The following MAP2K6 variants were observed in gnomAD, a reference collection of about 807,000 sequenced individuals.
MAP2K6 encodes mitogen-activated protein kinase kinase 6.
In MAP2K6, 16 loss-of-function variants were observed where a neutral mutation model predicts 53.7. The observed-to-expected ratio is 0.30, with a 90% CI of 0.20 to 0.45. The LOEUF (loss-of-function observed/expected upper bound fraction) is 0.45, where lower values mean the gene tolerates loss of function less well. MAP2K6 is among the 20% of genes least tolerant of loss of function. MAP2K6 has a pLI of 1.00. For synonymous variants in MAP2K6, 132 were observed against 143.1 expected, an observed-to-expected ratio of 0.92 and a Z score of 0.55; for missense variants, 204 against 411.9, an observed-to-expected ratio of 0.50 and a Z score of 4.37.
intron 1 of MAP2K6, among the ~76,000 whole-genome samples, chr17:69,429,008 A>G (rs963705610): frequency 4.0e-5 from 6 of 151,564 alleles, no homozygotes; most frequent in African/African-American, 1.5e-4. Flanking sequence ...TGGTAATGAG[A>G]CCTACACAAC....
intron 1 of MAP2K6, among the ~76,000 whole-genome samples, chr17:69,437,526 C>G (rs1248311286): frequency 1.3e-5 from 2 of 151,964 alleles, no homozygotes; most frequent in African/African-American, 4.8e-5. Context: ...GGTTCAAACC[C>G]CTGATGTTCA....
rs551661187 is a variant in MAP2K6 at position 69,512,005 on chromosome 17, A to G, written c.84-4850A>G. On this transcript the variant is annotated intron_variant, in intron 2 of 11. Transcript: ENST00000590474. The stretch of plus-strand genomic sequence containing the variant: ...AAAAACAAACAAACAAAACTCAGGA[A>G]TAACAGTGATGTTGCTGTCATGAGG... Among the ~76,000 whole-genome samples, 9 of 152,214 alleles carry G rather than the reference A, an allele frequency of 5.9e-5. 1 individual carries two copies. Among genetic ancestry groups the G allele is most frequent in the Non-Finnish European group, 1.0e-4 (7 of 68,042 alleles).
intron 1 of MAP2K6, among the ~76,000 whole-genome samples, chr17:69,460,647 C>T (rs1395028645): frequency 2.0e-5 from 3 of 152,152 alleles, no homozygotes; most frequent in South Asian, 4.1e-4. Context: ...ATGTGTCACC[C>T]TGGAATGCAG....
At chr17:69,515,944 T>C (rs572223824) in intron 2 of MAP2K6, among the ~76,000 whole-genome samples, 167 of 152,310 alleles carry the variant, frequency 1.1e-3, no homozygotes, top group Non-Finnish European at 1.7e-3. Context: ...TAATTACATA[T>C]ATTGGTGCTC....
intron 1 of MAP2K6, among the ~76,000 whole-genome samples, chr17:69,463,616 C>A (rs2715807): frequency 0.77 from 115,072 of 149,794 alleles, 44,546 homozygotes; most frequent in Non-Finnish European, 0.83. Context: ...CTCTCTCTCT[C>A]TATATATATA....
intron 1 of MAP2K6, among the ~76,000 whole-genome samples, chr17:69,474,564 C>T (rs1195353031): frequency 1.3e-5 from 2 of 152,182 alleles, no homozygotes; most frequent in Admixed American, 6.5e-5. Flanking sequence ...TCTTACCCTG[C>T]GTAATGGCTG....
At chr17:69,425,320 TG>T (rs1567813566) in intron 1 of MAP2K6, among the ~76,000 whole-genome samples, 2 of 152,026 alleles carry the variant, frequency 1.3e-5, no homozygotes, top group Non-Finnish European at 2.9e-5. Flanking sequence ...TTTTTTTTTT[TG>T]TTTTTTTCTG....
chr17:69,421,168 T>C (rs931318332), intron 1 of MAP2K6, among the ~76,000 whole-genome samples: 5 of 152,258 alleles, frequency 3.3e-5, no homozygotes, highest in African/African-American at 1.2e-4. Context: ...CATTTGCTCC[T>C]AAGTTTTATG....
intron 1 of MAP2K6, chr17:69,502,162 C>T: frequency 1.0e-6 from 1 of 985,392 alleles, no homozygotes; most frequent in Non-Finnish European, 1.2e-6. Flanking sequence ...CCACATAGAC[C>T]CACTTCCCTT....
intron 4 of MAP2K6, among the ~76,000 whole-genome samples, chr17:69,518,515 A>G (rs1337885547): frequency 1.3e-5 from 2 of 152,330 alleles, no homozygotes; most frequent in East Asian, 3.9e-4. Flanking sequence ...CTATGAAAGG[A>G]AATTTAAAAT....
At chr17:69,481,065 T>C (rs1327835706) in intron 1 of MAP2K6, among the ~76,000 whole-genome samples, 1 of 152,184 alleles carries the variant, frequency 6.6e-6, no homozygotes, top group Non-Finnish European at 1.5e-5. Flanking sequence ...TACATCCACA[T>C]TGGTATGCAT....
rs1357249538 is a variant in MAP2K6 at position 69,548,673 on chromosome 17, T to C, written c.*6920T>C. The stretch of plus-strand genomic sequence containing the variant: ...TTTCAGAGCCTTCAAAATGAAATTA[T>C]CCTTCCAGGGGAAGCACATTGCCAC... On this transcript the variant is annotated 3_prime_UTR_variant, in exon 12 of 12. Coordinates refer to ENST00000590474, the MANE Select transcript of MAP2K6 (RefSeq NM_002758.4). 2 of 152,202 alleles carry C rather than the reference T, an allele frequency of 1.3e-5. No individual in the cohort carries two copies. The highest frequency in any genetic ancestry group is 4.8e-5 in the African/African-American group (2 of 41,450). 9.4% of individuals were successfully genotyped at this position (152,202 alleles called of 1,614,324 possible).
chr17:69,427,032 A>T (rs1346360380), intron 1 of MAP2K6, among the ~76,000 whole-genome samples: 2 of 152,218 alleles, frequency 1.3e-5, no homozygotes, highest in Non-Finnish European at 2.9e-5. Context: ...TATCATATCA[A>T]CCAGGTTTAT....
chr17:69,498,620 G>A (rs909785471), intron 1 of MAP2K6, among the ~76,000 whole-genome samples: 4 of 135,538 alleles, frequency 3.0e-5, no homozygotes, highest in African/African-American at 1.1e-4. Context: ...CACCCAGCAC[G>A]CCTGGAAGCC....
At chr17:69,493,785 A>ATG (rs1908844768) in intron 1 of MAP2K6, among the ~76,000 whole-genome samples, 1 of 150,990 alleles carries the variant, frequency 6.6e-6, no homozygotes. Context: ...AAAAAAATAT[A>ATG]TGTATACTCA....
At chr17:69,522,586 ATT>A (rs1194681359) in intron 7 of MAP2K6, among the ~76,000 whole-genome samples, 1 of 152,030 alleles carries the variant, frequency 6.6e-6, no homozygotes, top group Non-Finnish European at 1.5e-5. Context: ...TCGTAGTTCC[ATT>A]TTTTGGGCAT....
intron 10 of MAP2K6, among the ~76,000 whole-genome samples, chr17:69,530,169 G>T (rs528448043): frequency 2.6e-4 from 39 of 152,186 alleles, no homozygotes; most frequent in Middle Eastern, 3.4e-3. Context: ...ACACAAATTA[G>T]CTGGGTGTGG....
At chr17:69,520,591 C>G (rs1424020722) in intron 6 of MAP2K6, 1 of 528,396 alleles carries the variant, frequency 1.9e-6, no homozygotes, top group Non-Finnish European at 3.3e-6. Context: ...GTTTGGCAGA[C>G]TCTAGGTTAA....
At chr17:69,531,976 A>G (rs189730802) in intron 10 of MAP2K6, among the ~76,000 whole-genome samples, 50 of 152,264 alleles carry the variant, frequency 3.3e-4, no homozygotes, top group Admixed American at 1.3e-4. Flanking sequence ...AACTCTTCCT[A>G]TAGGTTCACA....
Sources: gnomAD v4.1 joint callset for allele counts (sites outside exome capture counted in the v4.1 genomes callset) on GRCh38, gnomAD v4.1.1 for gene constraint, MANE v1.5 for transcripts, NCBI Gene and HGNC (gene_info 2026-07-23, HGNC 2026-07-21) for gene names.